The following RUVBL1 variants were observed in gnomAD, a reference collection of about 807,000 sequenced individuals.
The protein encoded by RUVBL1 is RuvB like AAA ATPase 1, also known as ruvB-like 1.
A neutral mutation model predicts 52.4 loss-of-function variants in RUVBL1; 4 were observed. That is an observed-to-expected ratio of 0.08 (90% CI 0.04 to 0.17). The LOEUF (loss-of-function observed/expected upper bound fraction) is 0.17, where lower values mean the gene tolerates loss of function less well. Among genes scored for constraint, RUVBL1 ranks in the 10% least tolerant of loss-of-function variants. RUVBL1 has a pLI of 1.00. For synonymous variants in RUVBL1, 217 were observed against 214.4 expected, an observed-to-expected ratio of 1.01 and a Z score of -0.10; for missense variants, 298 against 572.8, an observed-to-expected ratio of 0.52 and a Z score of 4.90.
At chr3:128,085,273 G>A (rs561139617) in intron 9 of RUVBL1, 1 of 152,382 alleles carries the variant, frequency 6.6e-6, no homozygotes, top group East Asian at 1.9e-4. Context: ...CAGAGAAGGT[G>A]AAGGCTCGGT....
chr3:128,120,855 T>C (rs914715859), intron 1 of RUVBL1, among the ~76,000 whole-genome samples: 4 of 151,848 alleles, frequency 2.6e-5, no homozygotes, highest in Non-Finnish European at 5.9e-5. Flanking sequence ...CTCCCGACCA[T>C]GTAATCCACC....
intron 4 of RUVBL1, among the ~76,000 whole-genome samples, chr3:128,103,504 A>G (rs1450938829): frequency 6.6e-6 from 1 of 152,250 alleles, no homozygotes; most frequent in Non-Finnish European, 1.5e-5. Context: ...TGACCAAGAA[A>G]CAACCTCAGA....
At chr3:128,137,775 T>C (rs1047274279) in intron 1 of RUVBL1, among the ~76,000 whole-genome samples, 11 of 152,096 alleles carry the variant, frequency 7.2e-5, no homozygotes, top group African/African-American at 2.7e-4. Flanking sequence ...CTGATGAACA[T>C]TAACGCAAAA....
rs1019711788 is a variant in RUVBL1 at position 128,066,583 on chromosome 3, C to T, written c.940-1363G>A. The T allele has an allele frequency of 5.7e-5, 13 of 228,912 alleles. No individual in the cohort carries two copies. The Middle Eastern group carries it at 4.6e-3, about 80-fold the overall frequency. 14.2% of individuals were successfully genotyped at this position (228,912 alleles called of 1,614,324 possible). On this transcript the variant is annotated intron_variant, in intron 9 of 9. Transcript: ENST00000464873. ...GACTACAGGCGCGCACCACCACACC[C>T]GGCCAGTTTTGTTTATTTTTTGTAG...
intron 1 of RUVBL1, among the ~76,000 whole-genome samples, chr3:128,134,645 C>A (rs1443151069): frequency 2.0e-5 from 3 of 150,808 alleles, no homozygotes; most frequent in African/African-American, 4.9e-5. Context: ...ATAAAAATAA[C>A]AATAAATGAG....
chr3:128,126,512 C>T (rs1393249196), upstream of RUVBL1, among the ~76,000 whole-genome samples: 1 of 151,540 alleles, frequency 6.6e-6, no homozygotes, highest in East Asian at 1.9e-4. Context: ...TGCCATTGCA[C>T]TCCAACCTGG....
In RUVBL1 at chr3:128,113,003, A is replaced by G; in HGVS notation, c.246T>C (p.Ala82=). The G allele has an allele frequency of 6.2e-7, 1 of 1,613,918 alleles. No individual in the cohort carries two copies. The highest frequency in any genetic ancestry group is 8.5e-7 in the Non-Finnish European group (1 of 1,179,960). ...CCTTACTACCCAGCTCCTGAGCAAT[A>G]GCCAGAGCCAGAGCTGTCTACAAAA... ...PGTGKTALAL[A]IAQELGSKVP... The change falls in exon 3 of 11, where the codon GCT becomes GCC. Residue 82 remains alanine, a synonymous_variant. Transcript: ENST00000322623.
chr3:128,080,272 C>T (rs118014874), downstream of RUVBL1, among the ~76,000 whole-genome samples: 123 of 152,306 alleles, frequency 8.1e-4, 3 homozygotes, highest in East Asian at 0.019. Flanking sequence ...AATGAACTTC[C>T]GTAAGTCCAT....
chr3:128,093,847 A>G (rs1942908866), intron 8 of RUVBL1, among the ~76,000 whole-genome samples: 1 of 152,218 alleles, frequency 6.6e-6, no homozygotes, highest in Non-Finnish European at 1.5e-5. Flanking sequence ...CAAGAGGACC[A>G]GGGACAGGTG....
upstream of RUVBL1, among the ~76,000 whole-genome samples, chr3:128,124,939 TTA>T (rs1478437288): frequency 4.0e-5 from 6 of 151,618 alleles, no homozygotes; most frequent in African/African-American, 1.2e-4. Flanking sequence ...GCAGGAGAGT[TTA>T]TGTTAGAATT....
At chr3:128,119,269 G>T in intron 2 of RUVBL1, 59 bp downstream of exon 2, 1 of 1,302,522 alleles carries the variant, frequency 7.7e-7, no homozygotes, top group South Asian at 1.2e-5. Context: ...AATTCAATTT[G>T]GCTTAGACAC....
At chr3:128,101,110 C>G (rs983200160) in intron 5 of RUVBL1, among the ~76,000 whole-genome samples, 1 of 152,180 alleles carries the variant, frequency 6.6e-6, no homozygotes, top group Non-Finnish European at 1.5e-5. Flanking sequence ...TTATGCCCAT[C>G]CATTAAACAG....
chr3:128,077,070 T>C (rs1229795548), downstream of RUVBL1, among the ~76,000 whole-genome samples: 1 of 151,608 alleles, frequency 6.6e-6, no homozygotes, highest in Non-Finnish European at 1.5e-5. Context: ...CGCCCATTGA[T>C]CGCGCCGGGC....
chr3:128,089,644 A>C (rs1288025255), intron 8 of RUVBL1, among the ~76,000 whole-genome samples: 1 of 152,234 alleles, frequency 6.6e-6, no homozygotes, highest in Non-Finnish European at 1.5e-5. Flanking sequence ...AATACATGCT[A>C]GCACAGGATG....
Position 128,105,977 on chromosome 3 carries a change from C to T in RUVBL1, c.362-1053G>A, listed in dbSNP as rs182129998. Among the ~76,000 whole-genome samples the T allele has an allele frequency of 2.1e-3, 308 of 146,526 alleles. 2 individuals carry two copies. Among genetic ancestry groups the T allele is most frequent in the African/African-American group, 7.0e-3 (278 of 39,816 alleles). ...CTCCGCCTCCCAGGTTCAAGTGATT[C>T]TCCTGCCTCAGCCTCCCAAGTAGCT... On this transcript the variant is annotated intron_variant, in intron 3 of 10. Transcript: ENST00000322623.
intron 1 of RUVBL1, among the ~76,000 whole-genome samples, chr3:128,120,503 T>C (rs1463325171): frequency 1.3e-5 from 2 of 152,182 alleles, no homozygotes; most frequent in Admixed American, 1.3e-4. Context: ...TTAGAATATT[T>C]GACTATAAGG....
At chr3:128,074,378 A>C (rs1942248679) in intron 9 of RUVBL1, among the ~76,000 whole-genome samples, 1 of 33,554 alleles carries the variant, frequency 3.0e-5, no homozygotes, top group Non-Finnish European at 1.1e-4. Context: ...AATCTATTGC[A>C]AAAAAAAAAA....
At chr3:128,125,804 C>G (rs1003883974), upstream of RUVBL1, among the ~76,000 whole-genome samples, 1 of 152,174 alleles carries the variant, frequency 6.6e-6, no homozygotes, top group African/African-American at 2.4e-5. Flanking sequence ...TTGACTTGTT[C>G]CTGGTCATTA....
At position 128,118,976 on chromosome 3, in the gene RUVBL1, AT is replaced by A. The variant is rs1024117904; in HGVS notation, c.228+351del. On this transcript the variant is annotated intron_variant, in intron 2 of 10. Coordinates refer to ENST00000322623, the MANE Select transcript of RUVBL1 (RefSeq NM_003707.3). Reference sequence around the variant, plus strand: ...TAGCATTTGGAAGAATGCTTGACTCATTTTTTTGTCCCCTCAAGTAAGATGT... The same window carrying A: ...TAGCATTTGGAAGAATGCTTGACTCATTTTTTGTCCCCTCAAGTAAGATGT... Among the ~76,000 whole-genome samples, 8 of 152,236 alleles carry A rather than the reference AT, an allele frequency of 5.3e-5. No individual in the cohort carries two copies. In the East Asian group the frequency reaches 1.5e-3, roughly 29 times the overall value.
Sources: gnomAD v4.1 joint callset for allele counts (sites outside exome capture counted in the v4.1 genomes callset) on GRCh38, gnomAD v4.1.1 for gene constraint, MANE v1.5 for transcripts, NCBI Gene and HGNC (gene_info 2026-07-23, HGNC 2026-07-21) for gene names.